DPP6: variants seen among roughly 807,000 people sequenced by gnomAD.
DPP6 encodes dipeptidyl peptidase like 6.
A neutral mutation model predicts 122.6 loss-of-function variants in DPP6; 69 were observed. That is an observed-to-expected ratio of 0.56 (90% confidence interval 0.46 to 0.69). The LOEUF (loss-of-function observed/expected upper bound fraction) is 0.69, where lower values mean the gene tolerates loss of function less well. Ranked by LOEUF, DPP6 falls within the 30% of genes least tolerant of loss-of-function variation. The pLI, the probability that DPP6 is intolerant of heterozygous loss-of-function variation, is 0.00. For synonymous variants in DPP6, 418 were observed against 433.1 expected (o/e 0.97, Z 0.43); for missense variants, 928 against 1,116.9 (o/e 0.83, Z 2.41).
chr7:154,275,661 T>C (rs981096069), intron 1 of DPP6, among the ~76,000 whole-genome samples: 1 of 152,242 alleles, frequency 6.6e-6, no homozygotes, highest in Non-Finnish European at 1.5e-5. Context: ...GCACCAGGAT[T>C]GTCCCCTGCA....
At chr7:154,642,602 A>C (rs1040841642) in intron 6 of DPP6, among the ~76,000 whole-genome samples, 7 of 151,508 alleles carry the variant, frequency 4.6e-5, no homozygotes, top group Non-Finnish European at 1.0e-4. Context: ...AAAACAAAAC[A>C]AAACAAAAAA....
chr7:154,189,416 A>C (rs1354715769), intron 1 of DPP6, among the ~76,000 whole-genome samples: 1 of 152,234 alleles, frequency 6.6e-6, no homozygotes, highest in South Asian at 2.1e-4. Context: ...AATACTGTTT[A>C]TACAGCAGCT....
chr7:154,309,267 C>T (rs1048901007), intron 1 of DPP6, among the ~76,000 whole-genome samples: 3 of 152,204 alleles, frequency 2.0e-5, no homozygotes, highest in Admixed American at 6.5e-5. Flanking sequence ...TATGTGACTG[C>T]TGTTTTTTGT....
chr7:154,589,737 C>A (rs1395927701), intron 5 of DPP6, among the ~76,000 whole-genome samples: 4 of 152,198 alleles, frequency 2.6e-5, no homozygotes, highest in Non-Finnish European at 2.9e-5. Flanking sequence ...TATTTAACGA[C>A]CTTCAGATAT....
intron 1 of DPP6, among the ~76,000 whole-genome samples, chr7:154,056,125 C>A (rs1300837652): frequency 3.3e-5 from 5 of 152,192 alleles, no homozygotes; most frequent in African/African-American, 1.2e-4. Flanking sequence ...ACAAACTACA[C>A]AGGCAACAAA....
intron 1 of DPP6, among the ~76,000 whole-genome samples, chr7:153,887,885 C>G (rs1799006664): frequency 6.6e-6 from 1 of 152,100 alleles, no homozygotes; most frequent in Non-Finnish European, 1.5e-5. Flanking sequence ...ACTTCCCACC[C>G]GAGCCCACCC....
intron 8 of DPP6, among the ~76,000 whole-genome samples, chr7:154,757,578 C>A (rs1048730747): frequency 6.6e-6 from 1 of 152,198 alleles, no homozygotes; most frequent in African/African-American, 2.4e-5. Flanking sequence ...GGATGACAGC[C>A]ATTTTTGCTC....
At chr7:154,545,258 G>A (rs1829075067) in intron 4 of DPP6, among the ~76,000 whole-genome samples, 1 of 152,030 alleles carries the variant, frequency 6.6e-6, no homozygotes, top group South Asian at 2.1e-4. Flanking sequence ...TTATCAAATG[G>A]CCTTTGTTCT....
chr7:154,545,493 T>A lies in DPP6; in HGVS notation c.552+4867T>A, dbSNP rs137975919. ...CTCCCTTCCTTCCTTCCTTCCTTCCTTCCATCCTTCCTTCCTTCCTTCCTT... is the reference window on the plus strand; with the variant it reads ...CTCCCTTCCTTCCTTCCTTCCTTCCATCCATCCTTCCTTCCTTCCTTCCTT... On this transcript the variant is annotated intron_variant, in intron 4 of 25. Transcript: ENST00000377770. Among the ~76,000 whole-genome samples the A allele has an allele frequency of 7.1e-4, 65 of 91,044 alleles. 1 individual carries two copies. Among genetic ancestry groups the A allele is most frequent in the South Asian group, 1.8e-3 (4 of 2,284 alleles). 59.7% of individuals were successfully genotyped at this position (91,044 alleles called of 152,430 possible).
At chr7:154,120,276 G>A (rs71532642) in intron 1 of DPP6, among the ~76,000 whole-genome samples, 6,240 of 146,240 alleles carry the variant, frequency 0.043, 171 homozygotes, top group Middle Eastern at 0.15. Context: ...ACAGAGTCTC[G>A]CTCTGTAGCC....
Position 154,149,872 on chromosome 7 carries a change from C to T in DPP6, c.243+96809C>T, listed in dbSNP as rs553422474. 1.8e-4 allele frequency among the ~76,000 whole-genome samples: 28 copies of T among 152,262 alleles called. No individual in the cohort carries two copies. In the East Asian group the frequency reaches 2.5e-3, roughly 14 times the overall value. On this transcript the variant is annotated intron_variant, in intron 1 of 25. Transcript: ENST00000377770. ...CTCCAGTGGTACCCTCCCCCGCCCC[C>T]GGCATGGGCAGCTCAGACCACCGGG... is the stretch of plus-strand genomic sequence containing the variant.
At chr7:154,406,476 CAT>C (rs1563617456) in intron 1 of DPP6, among the ~76,000 whole-genome samples, 1 of 148,844 alleles carries the variant, frequency 6.7e-6, no homozygotes, top group East Asian at 2.0e-4. Context: ...CACGCACACG[CAT>C]ACACACACAC....
chr7:154,373,933 C>A (rs998112360), intron 1 of DPP6, among the ~76,000 whole-genome samples: 8 of 152,212 alleles, frequency 5.3e-5, no homozygotes, highest in Non-Finnish European at 1.2e-4. Context: ...CCTCCAGGTT[C>A]ATCCATAGGT....
At chr7:154,804,809 C>G (rs1798589983) in intron 14 of DPP6, 108 bp from the exon 15 acceptor site, 1 of 1,485,726 alleles carries the variant, frequency 6.7e-7, no homozygotes, top group South Asian at 1.2e-5. Context: ...TCCCTGCAGG[C>G]CATGGGCGGC....
intron 5 of DPP6, among the ~76,000 whole-genome samples, chr7:154,597,011 G>T (rs1833132682): frequency 6.6e-6 from 1 of 152,154 alleles, no homozygotes; most frequent in African/African-American, 2.4e-5. Context: ...TTAAATTCTA[G>T]AAGTCCAGAA....
intron 2 of DPP6, among the ~76,000 whole-genome samples, chr7:154,468,583 A>G (rs2151332318): frequency 6.6e-6 from 1 of 152,346 alleles, no homozygotes; most frequent in South Asian, 2.1e-4. Context: ...ACTAAAGAAA[A>G]CAGGCTGCTG....
intron 7 of DPP6, among the ~76,000 whole-genome samples, chr7:154,697,466 T>A (rs563247744): frequency 6.6e-6 from 1 of 152,344 alleles, no homozygotes; most frequent in East Asian, 1.9e-4. Flanking sequence ...GCACAGCCCC[T>A]TGGCTCTGCT....
chr7:153,911,668 A>G (rs1800098234), intron 1 of DPP6, among the ~76,000 whole-genome samples: 1 of 152,248 alleles, frequency 6.6e-6, no homozygotes, highest in East Asian at 1.9e-4. Flanking sequence ...CACAGTGGCA[A>G]CATTATCACA....
chr7:154,216,009 G>T lies in DPP6; in HGVS notation c.243+162946G>T, dbSNP rs550652525. Among the ~76,000 whole-genome samples the T allele has an allele frequency of 2.6e-5, 4 of 152,092 alleles. No homozygotes were observed. The South Asian group carries it at 6.3e-4, about 24-fold the overall frequency. On this transcript the variant is annotated intron_variant, in intron 1 of 25. Coordinates refer to ENST00000377770, the MANE Select transcript of DPP6 (RefSeq NM_130797.4). ...GCAGTCGTGGGCCCAGTGAACAGCT[G>T]CATTCTGGTCGGTCCTCTTTTTCCC...
Sources: allele counts gnomAD v4.1 joint callset (sites outside exome capture counted in the v4.1 genomes callset), GRCh38; gene constraint gnomAD v4.1.1; transcripts MANE v1.5; gene names NCBI Gene and HGNC (gene_info 2026-07-23, HGNC 2026-07-21).